The following C8orf34 variants were observed in gnomAD, a reference collection of about 807,000 sequenced individuals.
The protein encoded by C8orf34 is uncharacterized protein C8orf34.
C8orf34 carries 65 observed loss-of-function variants against 68.3 expected under a neutral mutation model. The observed-to-expected ratio is 0.95, with a 90% confidence interval of 0.78 to 1.17. The LOEUF is 1.17. C8orf34 is among the 50% of genes most tolerant of loss of function. C8orf34 has a pLI of 0.00. For synonymous variants in C8orf34, 244 were observed against 241.2 expected, an observed-to-expected ratio of 1.01 and a Z score of -0.11; for missense variants, 664 against 655.4, an observed-to-expected ratio of 1.01 and a Z score of -0.14.
At chr8:68,640,008 G>C (rs944517100) in intron 7 of C8orf34, among the ~76,000 whole-genome samples, 3 of 152,140 alleles carry the variant, frequency 2.0e-5, no homozygotes, top group Admixed American at 1.3e-4. Context: ...AAAAATATAG[G>C]AGAGCTGGCA....
At chr8:68,630,927 G>A (rs970286051) in intron 7 of C8orf34, among the ~76,000 whole-genome samples, 4 of 143,126 alleles carry the variant, frequency 2.8e-5, no homozygotes, top group Middle Eastern at 3.8e-3. Flanking sequence ...CCACAGGCAT[G>A]CCCCAACATG....
chr8:68,714,544 A>T (rs1464303969), intron 9 of C8orf34, among the ~76,000 whole-genome samples: 2 of 152,136 alleles, frequency 1.3e-5, no homozygotes, highest in Non-Finnish European at 2.9e-5. Flanking sequence ...GTAAAAAAAA[A>T]TACTTAGGAA....
At chr8:68,441,644 G>A (rs1258747372) in intron 2 of C8orf34, among the ~76,000 whole-genome samples, 7 of 152,124 alleles carry the variant, frequency 4.6e-5, no homozygotes, top group African/African-American at 1.7e-4. Context: ...GATTACAGTT[G>A]TGAATCACCA....
At chr8:68,676,967 C>G (rs112318503) in intron 8 of C8orf34, among the ~76,000 whole-genome samples, 1 of 152,088 alleles carries the variant, frequency 6.6e-6, no homozygotes, top group African/African-American at 2.4e-5. Flanking sequence ...GAGAAGAGCA[C>G]GGGAAAGACC....
At chr8:68,438,616 T>C (rs1282816776) in intron 1 of C8orf34, 1 of 152,110 alleles carries the variant, frequency 6.6e-6, no homozygotes. Context: ...ACCAACAAGA[T>C]GAAATGTGAC....
At chr8:68,462,265 A>G (rs1343750081) in intron 3 of C8orf34, among the ~76,000 whole-genome samples, 5 of 152,208 alleles carry the variant, frequency 3.3e-5, no homozygotes, top group African/African-American at 9.7e-5. Flanking sequence ...TATGCACCCA[A>G]TACAGGAACA....
intron 7 of C8orf34, among the ~76,000 whole-genome samples, chr8:68,569,871 C>CT (rs1478661016): frequency 1.3e-5 from 2 of 152,200 alleles, no homozygotes; most frequent in East Asian, 3.9e-4. Flanking sequence ...AGAGTGCCTA[C>CT]ATTCTTCCCA....
At chr8:68,337,592 T>C (rs940330540) in intron 1 of C8orf34, among the ~76,000 whole-genome samples, 3 of 152,212 alleles carry the variant, frequency 2.0e-5, no homozygotes, top group African/African-American at 7.2e-5. Flanking sequence ...AGGAATTGTT[T>C]GTATTGTTCC....
intron 7 of C8orf34, among the ~76,000 whole-genome samples, chr8:68,616,864 A>C (rs1480337007): frequency 1.3e-5 from 2 of 152,134 alleles, no homozygotes; most frequent in Non-Finnish European, 2.9e-5. Flanking sequence ...TGTCTCATTG[A>C]TCTGTCTAAT....
chr8:68,589,859 G>T (rs1229852916), intron 7 of C8orf34, among the ~76,000 whole-genome samples: 3 of 139,310 alleles, frequency 2.2e-5, no homozygotes, highest in Non-Finnish European at 4.6e-5. Context: ...AGAGAGAAAT[G>T]AGTGAGGGAG....
intron 4 of C8orf34, among the ~76,000 whole-genome samples, chr8:68,470,112 C>T (rs927569028): frequency 6.6e-6 from 1 of 151,878 alleles, no homozygotes; most frequent in African/African-American, 2.4e-5. Flanking sequence ...GGAAGCTCCA[C>T]GTTTGGTTAA....
chr8:68,608,060 A>ACT (rs10585021), intron 7 of C8orf34, among the ~76,000 whole-genome samples: 33,891 of 151,714 alleles, frequency 0.22, 4,701 homozygotes, highest in African/African-American at 0.41. Context: ...TAATTTATTC[A>ACT]CTCTCATTCA....
chr8:68,526,543 C>G (rs1814996933), intron 6 of C8orf34, among the ~76,000 whole-genome samples: 1 of 152,066 alleles, frequency 6.6e-6, no homozygotes, highest in Non-Finnish European at 1.5e-5. Context: ...TAAACTGATT[C>G]TAAAACATCA....
intron 1 of C8orf34, among the ~76,000 whole-genome samples, chr8:68,399,920 G>A (rs1428033595): frequency 1.3e-5 from 2 of 152,004 alleles, no homozygotes; most frequent in South Asian, 4.2e-4. Context: ...TTGATGATGA[G>A]CATTTTTTCA....
intron 6 of C8orf34, among the ~76,000 whole-genome samples, chr8:68,529,417 C>T (rs1815151651): frequency 6.6e-6 from 1 of 152,168 alleles, no homozygotes; most frequent in Non-Finnish European, 1.5e-5. Context: ...ATATTTTCCT[C>T]GCAATCCGTA....
chr8:68,529,273 C>T (rs2380474), intron 6 of C8orf34, among the ~76,000 whole-genome samples: 76,420 of 152,012 alleles, frequency 0.5, 19,266 homozygotes, highest in Non-Finnish European at 0.52. Flanking sequence ...TGTCACAGGA[C>T]GACCTCTTGT....
intron 7 of C8orf34, among the ~76,000 whole-genome samples, chr8:68,564,062 G>A (rs1816513366): frequency 4.6e-5 from 7 of 152,306 alleles, no homozygotes; most frequent in African/African-American, 1.7e-4. Context: ...TATAGAGTCT[G>A]CATATCCTTA....
At chr8:68,776,107 T>C (rs1823507929) in intron 10 of C8orf34, among the ~76,000 whole-genome samples, 1 of 152,178 alleles carries the variant, frequency 6.6e-6, no homozygotes, top group African/African-American at 2.4e-5. Flanking sequence ...ATGGCACATG[T>C]TTACCTATGT....
intron 1 of C8orf34, among the ~76,000 whole-genome samples, chr8:68,437,283 A>G (rs1810705017): frequency 6.6e-6 from 1 of 152,204 alleles, no homozygotes; most frequent in African/African-American, 2.4e-5. Context: ...AGAAATCTAG[A>G]AACTTTCCAT....
Sources: gnomAD v4.1 joint callset for allele counts (sites outside exome capture counted in the v4.1 genomes callset) on GRCh38, gnomAD v4.1.1 for gene constraint, MANE v1.5 for transcripts, NCBI Gene and HGNC (gene_info 2026-07-23, HGNC 2026-07-21) for gene names.